Variants in RNMT observed in about 807,000 individuals in gnomAD.
RNMT encodes the protein RNA guanine-7 methyltransferase.
RNMT carries 27 observed loss-of-function variants against 56.0 expected under a neutral mutation model. The observed-to-expected ratio is 0.48, with a 90% confidence interval of 0.36 to 0.67. The LOEUF (loss-of-function observed/expected upper bound fraction) is 0.67. Among genes scored for constraint, RNMT ranks in the 30% least tolerant of loss-of-function variants. The pLI is 0.00. For synonymous variants in RNMT, 184 were observed against 176.2 expected (o/e 1.04, Z -0.35); for missense variants, 519 against 552.1 (o/e 0.94, Z 0.60).
chr18:13,743,746 T>C (rs1022481344), intron 8 of RNMT, among the ~76,000 whole-genome samples: 202 of 151,914 alleles, frequency 1.3e-3, no homozygotes, highest in Non-Finnish European at 1.6e-3. Flanking sequence ...AGAGGTATAT[T>C]GTCTGCTTAC....
intron 10 of RNMT, among the ~76,000 whole-genome samples, chr18:13,752,662 A>G (rs1490880470): frequency 6.6e-6 from 1 of 152,236 alleles, no homozygotes; most frequent in Non-Finnish European, 1.5e-5. Context: ...TGAAAAAATT[A>G]CAGGGTTGGT....
chr18:13,744,201 A>G (rs1169485044), intron 8 of RNMT, among the ~76,000 whole-genome samples: 1 of 101,744 alleles, frequency 9.8e-6, no homozygotes, highest in African/African-American at 3.8e-5. Context: ...AAATTGCCTA[A>G]TGATGGTAAA....
Position 13,762,144 on chromosome 18 carries a change from T to C in RNMT, c.*2165T>C. The C allele has an allele frequency of 1.3e-6, 2 of 1,534,864 alleles. No individual in the cohort carries two copies. The highest frequency in any genetic ancestry group is 1.7e-6 in the Non-Finnish European group (2 of 1,146,284). ...AAGTGGGGCACTCCCAGACCTGCCA[T>C]GCAGTTTATCCTCTGAGAATGGAAT... On this transcript the variant is annotated 3_prime_UTR_variant, in exon 12 of 12. Transcript: ENST00000383314.
intron 9 of RNMT, 117 bp from the exon 10 acceptor site, chr18:13,752,209 C>T: frequency 4.0e-5 from 24 of 606,056 alleles, no homozygotes; most frequent in South Asian, 9.5e-5. Flanking sequence ...AGTTTGTATT[C>T]CTGAAGTAGT....
rs2044502853 is a variant in RNMT at position 13,754,096 on chromosome 18, T to C, written c.1360-18T>C. On this transcript the variant is annotated intron_variant, in intron 10 of 11. Coordinates refer to ENST00000383314, the MANE Select transcript of RNMT (RefSeq NM_003799.3). Reference sequence around the variant, plus strand: ...CATATTGAATCTAAAATTTTCTTTTTCTCTTTTGTAATTTTAGGGAACCTT... The same window carrying C: ...CATATTGAATCTAAAATTTTCTTTTCCTCTTTTGTAATTTTAGGGAACCTT... 1.4e-6 allele frequency: 2 copies of C among 1,479,664 alleles called. No individual in the cohort carries two copies. Among genetic ancestry groups the C allele is most frequent in the Admixed American group, 1.7e-5 (1 of 58,886 alleles). 91.7% of individuals were successfully genotyped at this position (1,479,664 alleles called of 1,614,324 possible). A position where few individuals can be genotyped will look rare whatever the true frequency, so the allele number is the denominator to read the frequency against.
chr18:13,732,011 G>T, intron 3 of RNMT, 77 bp downstream of exon 3: 1 of 1,158,504 alleles, frequency 8.6e-7, no homozygotes, highest in Non-Finnish European at 1.2e-6. Context: ...GATTCATACT[G>T]GTTTTTACAT....
rs899167531 is a variant in RNMT, at chr18:13,746,329, G to C, written c.1249G>C (p.Ala417Pro). ...TAAAATGCTCTTAAAACGAATGCAG[G>C]CCTTGGAGGTGAGTATTTAGAAAAG... ...ENKMLLKRMQALEPYPANESS... is the reference protein window; with the variant it reads ...ENKMLLKRMQPLEPYPANESS... Residue 417 changes from alanine to proline, a missense_variant, in exon 9 of 12, where the codon GCC (alanine) becomes CCC (proline). Ala to Pro is a conservative substitution (Grantham distance 27, BLOSUM62 -1). Coordinates refer to ENST00000383314, the MANE Select transcript of RNMT (RefSeq NM_003799.3). 1 of 1,512,334 alleles carries C rather than the reference G, an allele frequency of 6.6e-7. No homozygotes were observed. Among genetic ancestry groups the C allele is most frequent in the Non-Finnish European group, 9.1e-7 (1 of 1,102,542 alleles). The allele number at this position is 1,512,334 out of a possible 1,614,324, so 93.7% of individuals were successfully genotyped here.
At chr18:13,727,484 A>G (rs1008687547) in intron 1 of RNMT, among the ~76,000 whole-genome samples, 1 of 152,240 alleles carries the variant, frequency 6.6e-6, no homozygotes, top group Non-Finnish European at 1.5e-5. Flanking sequence ...ATTGATACAT[A>G]GAAGTTGCAC....
intron 6 of RNMT, among the ~76,000 whole-genome samples, chr18:13,740,612 AG>A (rs976905421): frequency 6.6e-6 from 1 of 152,200 alleles, no homozygotes; most frequent in African/African-American, 2.4e-5. Flanking sequence ...TCCTGAGCCC[AG>A]GTGATCTGCC....
chr18:13,746,112 G>A (rs4797809), intron 8 of RNMT, 108 bp from the exon 9 acceptor site: 574,340 of 648,286 alleles, frequency 0.89, 254,906 homozygotes, highest in East Asian at 0.98. Flanking sequence ...TATCAAGGGA[G>A]TGGTAGCTTT....
intron 9 of RNMT, among the ~76,000 whole-genome samples, chr18:13,746,878 A>G (rs542798178): frequency 4.6e-5 from 7 of 152,318 alleles, no homozygotes; most frequent in South Asian, 2.1e-4. Flanking sequence ...ATTTTATTGC[A>G]TGGTAATTCT....
intron 1 of RNMT, among the ~76,000 whole-genome samples, chr18:13,729,740 A>G (rs2044034974): frequency 6.6e-6 from 1 of 151,542 alleles, no homozygotes; most frequent in African/African-American, 2.4e-5. Context: ...ATTCTTTTTC[A>G]TTATCCAAAA....
At position 13,731,828 on chromosome 18, in the gene RNMT, AAAG is replaced by A. The variant is rs1367667694; in HGVS notation, c.314_316del (p.Arg105del). The A allele has an allele frequency of 2.5e-6, 4 of 1,613,662 alleles. No individual in the cohort carries two copies. The highest frequency in any genetic ancestry group is 1.3e-5 in the African/African-American group (1 of 75,016). On this transcript the variant is annotated inframe_deletion, in exon 3 of 12. Transcript: ENST00000383314. ...GGTGATGCTGAAGGCAATTCAAAGA[AAAG>A]AAAAAGAGAAACTGAGGATGTTCCA...
At position 13,752,410 on chromosome 18, in the gene RNMT, C is replaced by T. The variant is rs1442392838; in HGVS notation, c.1342C>T (p.Gln448Ter). 6.2e-7 allele frequency: 1 copy of T among 1,606,664 alleles called. No individual in the cohort carries two copies. Among genetic ancestry groups the T allele is most frequent in the Non-Finnish European group, 8.5e-7 (1 of 1,173,888 alleles). ...TGCAGCAAAGTACATGAAGAACAGT[C>T]AAGTAAGGTTACCTTTGGTAAGTTT... ...EHAAKYMKNSQVRLPLGTLSK... is the reference protein window; with the variant it reads ...EHAAKYMKNS Residue 448 changes from glutamine (Q) to a stop codon, truncating the protein, a stop_gained, in exon 10 of 12, where the codon CAA becomes TAA. Transcript: ENST00000383314. LOFTEE classifies it high-confidence loss of function.
intron 9 of RNMT, among the ~76,000 whole-genome samples, chr18:13,747,657 C>G (rs1429968933): frequency 6.6e-6 from 1 of 152,172 alleles, no homozygotes; most frequent in Non-Finnish European, 1.5e-5. Context: ...GCACCTGCAC[C>G]CAGCCACTCC....
intron 9 of RNMT, among the ~76,000 whole-genome samples, chr18:13,751,369 C>G (rs1555795892): frequency 6.6e-6 from 1 of 152,190 alleles, no homozygotes. Context: ...AGAGGAAATG[C>G]TCATCATCAC....
chr18:13,761,278 C>CT lies in RNMT; in HGVS notation c.*1304dup. The CT allele has an allele frequency of 1.0e-6, 1 of 985,350 alleles. No homozygotes were observed. Among genetic ancestry groups the CT allele is most frequent in the Non-Finnish European group, 1.2e-6 (1 of 829,892 alleles). The allele number at this position is 985,350 out of a possible 1,614,324, so 61.0% of individuals were successfully genotyped here. On this transcript the variant is annotated 3_prime_UTR_variant, in exon 12 of 12. Coordinates refer to ENST00000383314, the MANE Select transcript of RNMT (RefSeq NM_003799.3). ...GTGTTACCAGTTTACAAAAATAAGT[C>CT]TTTTTGCCTTAAGTCATTTTGGAAA...
chr18:13,732,169 A>G (rs995903477), intron 3 of RNMT, among the ~76,000 whole-genome samples: 4 of 152,078 alleles, frequency 2.6e-5, no homozygotes, highest in African/African-American at 9.7e-5. Flanking sequence ...TAATGAGATA[A>G]TGTTTATCTT....
In RNMT at chr18:13,734,793, T is replaced by C. The variant is rs138914253; in HGVS notation, c.553+194T>C. The stretch of plus-strand genomic sequence containing the variant: ...CAGGTTTTCAGAAGGCAATATTTTT[T>C]TTAATGCACAGAATTAAGGTTACCT... On this transcript the variant is annotated intron_variant, in intron 4 of 11. Transcript: ENST00000383314. Among the ~76,000 whole-genome samples, 61 of 152,384 alleles carry C rather than the reference T, an allele frequency of 4.0e-4. No individual in the cohort carries two copies. In the East Asian group the frequency reaches 0.011, roughly 27 times the overall value.
Sources: gnomAD v4.1 joint callset for allele counts (sites outside exome capture counted in the v4.1 genomes callset) on GRCh38, gnomAD v4.1.1 for gene constraint, MANE v1.5 for transcripts, NCBI Gene and HGNC (gene_info 2026-07-23, HGNC 2026-07-21) for gene names.